The following FCF1 variants were observed in gnomAD, a reference collection of about 807,000 sequenced individuals.
FCF1 encodes rRNA-processing protein FCF1 homolog.
Under a neutral mutation model 32.5 loss-of-function variants are expected in FCF1, and 17 were observed. The observed-to-expected ratio is 0.52, with a 90% CI of 0.36 to 0.78. The LOEUF (loss-of-function observed/expected upper bound fraction) is 0.78. FCF1 is among the 30% of genes least tolerant of loss of function. The pLI, the probability that FCF1 is intolerant of heterozygous loss-of-function variation, is 0.00. For missense variants in FCF1, 201 were observed against 241.1 expected (o/e 0.83, Z 1.10); for synonymous variants, 84 against 78.4 (o/e 1.07, Z -0.38).
chr14:74,724,324 C>T (rs968272990), intron 5 of FCF1, among the ~76,000 whole-genome samples: 2 of 152,140 alleles, frequency 1.3e-5, no homozygotes, highest in South Asian at 4.1e-4. Context: ...TGCTCTGTCA[C>T]CCAGGCTGGA....
intron 5 of FCF1, among the ~76,000 whole-genome samples, chr14:74,725,032 A>T (rs1158263047): frequency 6.6e-6 from 1 of 151,976 alleles, no homozygotes; most frequent in Admixed American, 6.6e-5. Flanking sequence ...TGCATACTGT[A>T]CGCTAGATAA....
intron 5 of FCF1, among the ~76,000 whole-genome samples, chr14:74,729,919 G>A (rs1327151028): frequency 6.6e-6 from 1 of 152,156 alleles, no homozygotes; most frequent in Non-Finnish European, 1.5e-5. Flanking sequence ...GGTTTTGAGT[G>A]AGATTCTTAA....
chr14:74,717,403 A>T (rs1173449243), intron 4 of FCF1, among the ~76,000 whole-genome samples: 1 of 152,108 alleles, frequency 6.6e-6, no homozygotes, highest in Non-Finnish European at 1.5e-5. Context: ...GTTTATTAAG[A>T]TGTGAAGGTA....
intron 5 of FCF1, among the ~76,000 whole-genome samples, chr14:74,725,302 G>A (rs902100721): frequency 1.8e-4 from 27 of 151,198 alleles, no homozygotes; most frequent in African/African-American, 6.6e-4. Context: ...TCAACATGGT[G>A]AAACCCTGTC....
At chr14:74,714,599 A>T (rs970739408) in intron 2 of FCF1, among the ~76,000 whole-genome samples, 10 of 152,226 alleles carry the variant, frequency 6.6e-5, no homozygotes, top group African/African-American at 2.4e-4. Context: ...ATTCTGACTA[A>T]AAAATAAATA....
chr14:74,720,365 TTCTC>T (rs1220895424), intron 4 of FCF1, among the ~76,000 whole-genome samples: 3 of 152,116 alleles, frequency 2.0e-5, no homozygotes, highest in Non-Finnish European at 2.9e-5. Flanking sequence ...ACCCTCACCA[TTCTC>T]TCTATTTCTA....
At chr14:74,731,266 ATTTT>A (rs1033417569) in intron 5 of FCF1, among the ~76,000 whole-genome samples, 1 of 152,142 alleles carries the variant, frequency 6.6e-6, no homozygotes, top group African/African-American at 2.4e-5. Context: ...AGGTAAAAAG[ATTTT>A]TTTGTCTTAA....
chr14:74,732,840 T>G, intron 6 of FCF1, 22 bp downstream of exon 6: 1 of 1,446,712 alleles, frequency 6.9e-7, no homozygotes. Context: ...TCATAACTGT[T>G]TACTTTGTGC....
At position 74,736,642 on chromosome 14, in the gene FCF1, T is replaced by G. The variant is rs929809359; in HGVS notation, c.*1712T>G. On this transcript the variant is annotated 3_prime_UTR_variant, in exon 8 of 8. Transcript: ENST00000341162. ...GTATCCACAATTTATGATATCACTT[T>G]GTAACCCATACATTTATACAATTAT... The G allele has an allele frequency of 2.0e-5, 3 of 152,326 alleles. No homozygotes were observed. Among genetic ancestry groups the G allele is most frequent in the Non-Finnish European group, 4.4e-5 (3 of 68,032 alleles). The allele number at this position is 152,326 out of a possible 1,614,324, so 9.4% of individuals were successfully genotyped here. A position where few individuals can be genotyped will look rare whatever the true frequency, so the allele number is the denominator to read the frequency against.
intron 5 of FCF1, among the ~76,000 whole-genome samples, chr14:74,728,636 A>G (rs1323246411): frequency 1.3e-5 from 2 of 149,496 alleles, no homozygotes; most frequent in Non-Finnish European, 3.0e-5. Flanking sequence ...TTCCAACACT[A>G]TGTTGAATAG....
chr14:74,723,449 A>T, intron 5 of FCF1, 105 bp downstream of exon 5: 1 of 808,400 alleles, frequency 1.2e-6, no homozygotes, highest in Admixed American at 2.8e-5. Context: ...ATCATACAAA[A>T]CTATTTATCA....
rs2090712990 is a variant in FCF1, at chr14:74,736,892, G to C, written c.*1962G>C. ...TGAATAAATGCCGTAAAATAGCAGT[G>C]CTAGGGTAAAAGTTTCAGAGGCATG... On this transcript the variant is annotated 3_prime_UTR_variant, in exon 8 of 8. Coordinates refer to ENST00000341162, the MANE Select transcript of FCF1 (RefSeq NM_015962.5). 6.6e-6 allele frequency: 1 copy of C among 152,130 alleles called. No homozygotes were observed. The highest frequency in any genetic ancestry group is 2.4e-5 in the African/African-American group (1 of 41,404). 9.4% of individuals were successfully genotyped at this position (152,130 alleles called of 1,614,324 possible).
intron 4 of FCF1, among the ~76,000 whole-genome samples, chr14:74,718,676 T>G (rs975438335): frequency 1.3e-5 from 2 of 151,902 alleles, no homozygotes; most frequent in Non-Finnish European, 2.9e-5. Context: ...TTCTCTATGT[T>G]GGCCAGGTTG....
rs1447226325 is a variant in FCF1, at chr14:74,736,574, A to C, written c.*1644A>C. The C allele has an allele frequency of 6.6e-6, 1 of 152,218 alleles. No homozygotes were observed. The highest frequency in any genetic ancestry group is 2.4e-5 in the African/African-American group (1 of 41,454). 9.4% of individuals were successfully genotyped at this position (152,218 alleles called of 1,614,324 possible). A position where few individuals can be genotyped will look rare whatever the true frequency, so the allele number is the denominator to read the frequency against. On this transcript the variant is annotated 3_prime_UTR_variant, in exon 8 of 8. Coordinates refer to ENST00000341162, the MANE Select transcript of FCF1 (RefSeq NM_015962.5). ...GTTCTCATCACAGAAATGTATTTGA[A>C]GTATTGCATATGTTAACTAGCTTGA...
rs567457185 is a variant in FCF1, at chr14:74,735,904, GTTTA to G, written c.*978_*981del. 110 of 148,768 alleles carry G rather than the reference GTTTA, an allele frequency of 7.4e-4. No homozygotes were observed. Among genetic ancestry groups the G allele is most frequent in the African/African-American group, 2.7e-3 (108 of 40,034 alleles). 9.2% of individuals were successfully genotyped at this position (148,768 alleles called of 1,614,324 possible). A position where few individuals can be genotyped will look rare whatever the true frequency, so the allele number is the denominator to read the frequency against. On this transcript the variant is annotated 3_prime_UTR_variant, in exon 8 of 8. Coordinates refer to ENST00000341162, the MANE Select transcript of FCF1 (RefSeq NM_015962.5). Reference sequence around the variant, plus strand: ...GATGCTGCTTTTTTGTTGTTTGTTTGTTTATTTGTTTGTTTTGAGACGGAGTCTC... The same window carrying G: ...GATGCTGCTTTTTTGTTGTTTGTTTGTTTGTTTGTTTTGAGACGGAGTCTC...
chr14:74,719,445 C>T (rs542596362), intron 4 of FCF1, among the ~76,000 whole-genome samples: 67 of 151,928 alleles, frequency 4.4e-4, no homozygotes, highest in African/African-American at 1.6e-3. Flanking sequence ...CATGGTGTGA[C>T]CGCATCTCTA....
At position 74,735,288 on chromosome 14, in the gene FCF1, G is replaced by C. The variant is rs1163121310; in HGVS notation, c.*358G>C. On this transcript the variant is annotated 3_prime_UTR_variant, in exon 8 of 8. Transcript: ENST00000341162. ...TTTACGACTTGAGTTTATCTGTCTA[G>C]TTACCTTGCAGCTGCACAGCTAGAG... is the stretch of plus-strand genomic sequence containing the variant. The C allele has an allele frequency of 5.7e-6, 1 of 176,800 alleles. No homozygotes were observed. Among genetic ancestry groups the C allele is most frequent in the Non-Finnish European group, 1.2e-5 (1 of 84,264 alleles). The allele number at this position is 176,800 out of a possible 1,614,324, so 11.0% of individuals were successfully genotyped here.
At chr14:74,726,186 T>TA (rs1028810034) in intron 5 of FCF1, among the ~76,000 whole-genome samples, 428 of 145,712 alleles carry the variant, frequency 2.9e-3, no homozygotes, top group African/African-American at 6.0e-3. Flanking sequence ...ATATAAACTA[T>TA]AAAAAAAAAA....
intron 6 of FCF1, among the ~76,000 whole-genome samples, chr14:74,733,635 C>G (rs901682866): frequency 1.3e-5 from 2 of 152,136 alleles, no homozygotes; most frequent in African/African-American, 4.8e-5. Flanking sequence ...TAGCTTACCT[C>G]TAACATCAGT....
Sources: allele counts gnomAD v4.1 joint callset (sites outside exome capture counted in the v4.1 genomes callset), GRCh38; gene constraint gnomAD v4.1.1; transcripts MANE v1.5; gene names NCBI Gene and HGNC (gene_info 2026-07-23, HGNC 2026-07-21).